The following FRMPD4 variants were observed in gnomAD, a reference collection of about 807,000 sequenced individuals.
FRMPD4 encodes FERM and PDZ domain containing 4.
FRMPD4 carries 22 observed loss-of-function variants against 94.1 expected under a neutral mutation model. The observed-to-expected ratio is 0.23, with a 90% confidence interval of 0.17 to 0.33. The LOEUF (loss-of-function observed/expected upper bound fraction) is 0.33. FRMPD4 is among the 10% of genes least tolerant of loss of function. The pLI is 1.00. For missense variants in FRMPD4, 1,111 were observed against 1,339.9 expected, an observed-to-expected ratio of 0.83 and a Z score of 2.67; for synonymous variants, 631 against 548.6, an observed-to-expected ratio of 1.15 and a Z score of -2.10.
rs948254896 is a variant in FRMPD4 at position 12,721,813 on chromosome X, C to T, written c.5244C>T (p.Leu1748=). 7 of 750,673 alleles carry T rather than the reference C, an allele frequency of 9.3e-6. No homozygotes were observed. In the African/African-American group the frequency reaches 1.2e-4, roughly 12 times the overall value. 61.9% of individuals were successfully genotyped at this position (750,673 alleles called of 1,213,427 possible). A position where few individuals can be genotyped will look rare whatever the true frequency, so the allele number is the denominator to read the frequency against. The change falls in exon 17 of 17, where the codon CTC becomes CTT. Residue 1748 remains leucine (L), a synonymous_variant. Coordinates refer to ENST00000675598, the MANE Select transcript of FRMPD4 (RefSeq NM_001368397.1). The part of the protein sequence containing the change: ...SARHSTTMAA[L]VSTLTRSLKR... Reference sequence around the variant, plus strand: ...GACACTCAACCACCATGGCCGCTCTCGTAAGCACACTGACACGTTCTCTCA... The same window carrying T: ...GACACTCAACCACCATGGCCGCTCTTGTAAGCACACTGACACGTTCTCTCA...
intron 1 of FRMPD4, among the ~76,000 whole-genome samples, chrX:12,355,470 G>C (rs1372374152): frequency 8.9e-6 from 1 of 112,438 alleles, no homozygotes; most frequent in African/African-American, 3.2e-5. Flanking sequence ...ATGAACCACT[G>C]TGCCTGGCCA....
At chrX:12,309,886 G>A (rs904460897) in intron 1 of FRMPD4, among the ~76,000 whole-genome samples, 1 of 112,440 alleles carries the variant, frequency 8.9e-6, no homozygotes, top group African/African-American at 3.2e-5. Context: ...CCCTTGGTGT[G>A]AGAGTTGCTG....
upstream of FRMPD4, among the ~76,000 whole-genome samples, chrX:12,134,026 T>G (rs2055576742): frequency 8.9e-6 from 1 of 112,317 alleles, no homozygotes; most frequent in African/African-American, 3.2e-5. Context: ...CTTCGGATTC[T>G]TCAAACATAC....
intron 1 of FRMPD4, among the ~76,000 whole-genome samples, chrX:12,421,603 T>TA (rs1405179908): frequency 2.8e-5 from 3 of 109,091 alleles, no homozygotes; most frequent in African/African-American, 1.0e-4. Flanking sequence ...ACACAAAGTA[T>TA]AAAAAATTAG....
At position 12,664,520 on chromosome X, in the gene FRMPD4, C is replaced by T. The variant is rs753505814; in HGVS notation, c.423-10343C>T. Among the ~76,000 whole-genome samples, 14 of 111,824 alleles carry T rather than the reference C, an allele frequency of 1.3e-4. No individual in the cohort carries two copies. In the East Asian group the frequency reaches 3.1e-3, roughly 25 times the overall value. ...TGGATTACATTTATTGATTTGCATA[C>T]GTTGAACCAGCCTTGCATCCCAGGG... On this transcript the variant is annotated intron_variant, in intron 4 of 16. Coordinates refer to ENST00000675598, the MANE Select transcript of FRMPD4 (RefSeq NM_001368397.1).
At chrX:12,317,269 A>G (rs1434420566) in intron 1 of FRMPD4, among the ~76,000 whole-genome samples, 1 of 111,893 alleles carries the variant, frequency 8.9e-6, no homozygotes. Flanking sequence ...CTCACCATAT[A>G]CAAAATCAAA....
chrX:12,032,014 T>A (rs1365454194), intron 3 of FRMPD4, among the ~76,000 whole-genome samples: 3 of 111,533 alleles, frequency 2.7e-5, no homozygotes, highest in African/African-American at 9.8e-5. Flanking sequence ...TAACCCCAGG[T>A]TTTGGTTTGG....
In FRMPD4 at chrX:12,717,493, G is replaced by T; in HGVS notation, c.2675-8G>T. On this transcript the variant is annotated splice_region_variant and splice_polypyrimidine_tract_variant and intron_variant, in intron 15 of 16. Transcript: ENST00000675598. ...CATTAATCAGTTCTTGTTTTTTACG[G>T]CATGCAGGTGTAGCCATCTTGCGGG... The T allele has an allele frequency of 8.7e-7, 1 of 1,151,507 alleles. No homozygotes were observed. Among genetic ancestry groups the T allele is most frequent in the Non-Finnish European group, 1.2e-6 (1 of 843,955 alleles). The allele number at this position is 1,151,507 out of a possible 1,213,427, so 94.9% of individuals were successfully genotyped here.
At chrX:12,043,335 A>G (rs181924472) in intron 3 of FRMPD4, among the ~76,000 whole-genome samples, 71 of 112,126 alleles carry the variant, frequency 6.3e-4, no homozygotes, top group Non-Finnish European at 1.2e-3. Flanking sequence ...AAATCAAACA[A>G]TAAGATAATT....
intron 1 of FRMPD4, among the ~76,000 whole-genome samples, chrX:12,454,253 G>A (rs902561059): frequency 6.3e-5 from 7 of 111,952 alleles, no homozygotes; most frequent in Non-Finnish European, 1.1e-4. Context: ...TGATGGATCT[G>A]TAAGCTTTGA....
chrX:12,400,045 A>G (rs1315106285), intron 1 of FRMPD4, among the ~76,000 whole-genome samples: 1 of 111,678 alleles, frequency 9.0e-6, no homozygotes, highest in Non-Finnish European at 1.9e-5. Flanking sequence ...CCTTAAAACA[A>G]ACTCAATGCA....
At chrX:11,843,489 TAAG>T (rs1031015308) in intron 1 of FRMPD4, among the ~76,000 whole-genome samples, 1 of 111,959 alleles carries the variant, frequency 8.9e-6, no homozygotes, top group Non-Finnish European at 1.9e-5. Context: ...AAAGAAGAAA[TAAG>T]AAAAAATATT....
chrX:11,862,867 A>T (rs1461919622), intron 1 of FRMPD4, among the ~76,000 whole-genome samples: 2 of 109,775 alleles, frequency 1.8e-5, no homozygotes, highest in Non-Finnish European at 3.8e-5. Flanking sequence ...TCTACATTTG[A>T]TCTCATCTTG....
At chrX:12,027,056 T>G (rs1219601546) in intron 3 of FRMPD4, among the ~76,000 whole-genome samples, 1 of 112,206 alleles carries the variant, frequency 8.9e-6, no homozygotes. Context: ...TCACTTCTAG[T>G]GATTGTCAAC....
intron 1 of FRMPD4, among the ~76,000 whole-genome samples, chrX:12,477,619 G>C (rs2057620434): frequency 1.8e-5 from 2 of 112,234 alleles, no homozygotes; most frequent in African/African-American, 3.2e-5. Flanking sequence ...AAAGTGCCTT[G>C]AGATTAGGAA....
At chrX:12,082,380 A>G (rs754126697) in intron 3 of FRMPD4, among the ~76,000 whole-genome samples, 3 of 111,720 alleles carry the variant, frequency 2.7e-5, no homozygotes, top group East Asian at 2.8e-4. Context: ...TCTTGCTACT[A>G]CCATGTAAGA....
intron 1 of FRMPD4, among the ~76,000 whole-genome samples, chrX:12,443,586 C>T (rs772942366): frequency 1.8e-5 from 2 of 111,429 alleles, no homozygotes; most frequent in South Asian, 7.6e-4. Flanking sequence ...TTGTTAATAG[C>T]TGCTAGCTTA....
At chrX:12,399,328 T>C (rs1375103854) in intron 1 of FRMPD4, among the ~76,000 whole-genome samples, 1 of 111,780 alleles carries the variant, frequency 8.9e-6, no homozygotes, top group African/African-American at 3.3e-5. Context: ...TATGTAGCTA[T>C]AGATATTAGT....
At chrX:12,548,791 G>A (rs375923276) in intron 2 of FRMPD4, among the ~76,000 whole-genome samples, 9 of 112,053 alleles carry the variant, frequency 8.0e-5, no homozygotes, top group South Asian at 3.8e-4. Flanking sequence ...GCAGATGTAG[G>A]TTTTAATCAA....
Sources: allele counts gnomAD v4.1 joint callset (sites outside exome capture counted in the v4.1 genomes callset), GRCh38; gene constraint gnomAD v4.1.1; transcripts MANE v1.5; gene names NCBI Gene and HGNC (gene_info 2026-07-23, HGNC 2026-07-21).